HDAC9: variants seen among roughly 807,000 people sequenced by gnomAD.
HDAC9 encodes the protein MEF-2 interacting transcription repressor (MITR) protein.
A neutral mutation model predicts 139.4 loss-of-function variants in HDAC9; 41 were observed. The ratio of observed to expected loss-of-function variants is 0.29; its 90% CI spans 0.23 to 0.38. HDAC9 has a LOEUF of 0.38. Among genes scored for constraint, HDAC9 ranks in the 10% least tolerant of loss-of-function variants. The pLI is 1.00. For missense variants in HDAC9, 1,147 were observed against 1,297.0 expected (o/e 0.88, Z 1.78); for synonymous variants, 517 against 476.2 (o/e 1.09, Z -1.12).
intron 2 of HDAC9, among the ~76,000 whole-genome samples, chr7:18,228,514 T>C (rs1793225575): frequency 6.6e-6 from 1 of 152,310 alleles, no homozygotes; most frequent in African/African-American, 2.4e-5. Context: ...AAACAAATTA[T>C]ATTTCCTTCC....
At chr7:18,282,049 A>T (rs779454397) in intron 2 of HDAC9, among the ~76,000 whole-genome samples, 3 of 152,222 alleles carry the variant, frequency 2.0e-5, no homozygotes, top group Non-Finnish European at 4.4e-5. Flanking sequence ...AGCGTTTAGA[A>T]AAAGGGCCTG....
chr7:18,510,083 A>G (rs1464561284), intron 2 of HDAC9, among the ~76,000 whole-genome samples: 1 of 152,118 alleles, frequency 6.6e-6, no homozygotes, highest in Non-Finnish European at 1.5e-5. Context: ...TTCTTTGTAG[A>G]TTTGAAAAAT....
chr7:18,951,269 A>G (rs1000870799), intron 23 of HDAC9, among the ~76,000 whole-genome samples: 2 of 152,030 alleles, frequency 1.3e-5, no homozygotes, highest in African/African-American at 4.8e-5. Context: ...CTTAACAAAC[A>G]TCTGAATCAT....
intron 2 of HDAC9, among the ~76,000 whole-genome samples, chr7:18,523,187 GC>G (rs1365923017): frequency 2.0e-5 from 3 of 152,184 alleles, no homozygotes; most frequent in African/African-American, 7.2e-5. Context: ...TTAATTCCAT[GC>G]AAAGCTAGTG....
At chr7:18,929,169 A>G (rs1804505002) in intron 22 of HDAC9, among the ~76,000 whole-genome samples, 1 of 152,118 alleles carries the variant, frequency 6.6e-6, no homozygotes, top group Admixed American at 6.5e-5. Flanking sequence ...TCTTAGAGCA[A>G]CTTTTCATTT....
At chr7:18,244,286 CA>C (rs1314004594) in intron 2 of HDAC9, among the ~76,000 whole-genome samples, 3 of 152,094 alleles carry the variant, frequency 2.0e-5, no homozygotes, top group African/African-American at 2.4e-5. Flanking sequence ...AACACAAAAA[CA>C]AAACCCCCCT....
At chr7:18,478,431 A>C (rs920068585) in intron 1 of HDAC9, among the ~76,000 whole-genome samples, 23 of 152,186 alleles carry the variant, frequency 1.5e-4, no homozygotes, top group African/African-American at 5.3e-4. Context: ...CACTCTCAGG[A>C]TGATGGGCTG....
intron 22 of HDAC9, among the ~76,000 whole-genome samples, chr7:18,911,137 GT>G (rs1371019472): frequency 6.8e-6 from 1 of 146,272 alleles, no homozygotes; most frequent in Admixed American, 6.8e-5. Flanking sequence ...TTTGTTATTG[GT>G]CTGTTCAGGC....
intron 12 of HDAC9, among the ~76,000 whole-genome samples, chr7:18,693,993 G>T (rs992669643): frequency 1.3e-5 from 2 of 152,136 alleles, no homozygotes; most frequent in Non-Finnish European, 2.9e-5. Context: ...GTTGGTAACC[G>T]ATTGTACACA....
intron 2 of HDAC9, among the ~76,000 whole-genome samples, chr7:18,223,575 T>G (rs879475516): frequency 6.6e-6 from 1 of 152,122 alleles, no homozygotes; most frequent in Non-Finnish European, 1.5e-5. Context: ...GATATCTCCC[T>G]AGGCCCAAGA....
At chr7:18,334,509 A>G (rs763309666) in intron 1 of HDAC9, among the ~76,000 whole-genome samples, 12 of 151,612 alleles carry the variant, frequency 7.9e-5, no homozygotes, top group South Asian at 2.1e-4. Context: ...CAAATGCCAG[A>G]GGCATTCTTG....
At chr7:18,966,558 G>T (rs1309496297) in intron 24 of HDAC9, among the ~76,000 whole-genome samples, 1 of 152,108 alleles carries the variant, frequency 6.6e-6, no homozygotes. Context: ...AAAATTAGCT[G>T]GGCATGGTGA....
At position 18,537,043 on chromosome 7, in the gene HDAC9, C is replaced by T. The variant is rs567320134; in HGVS notation, c.22+40719C>T. Among the ~76,000 whole-genome samples, 4 of 152,250 alleles carry T rather than the reference C, an allele frequency of 2.6e-5. No homozygotes were observed. In the East Asian group the frequency reaches 7.7e-4, roughly 29 times the overall value. On this transcript the variant is annotated intron_variant, in intron 2 of 25. Coordinates refer to ENST00000686413, the MANE Select transcript of HDAC9 (RefSeq NM_178425.4). ...GTTCTCCTGACTCTCTTGGGATCAT[C>T]TGAACTATGGGGCTAACTTACTCTC...
chr7:18,720,081 T>G (rs890758245), intron 12 of HDAC9, among the ~76,000 whole-genome samples: 1 of 152,176 alleles, frequency 6.6e-6, no homozygotes, highest in Admixed American at 6.5e-5. Context: ...TAGACTCTTC[T>G]TCCTATATTA....
intron 19 of HDAC9, among the ~76,000 whole-genome samples, chr7:18,833,437 GA>G (rs1796003969): frequency 6.6e-6 from 1 of 152,078 alleles, no homozygotes; most frequent in South Asian, 2.1e-4. Context: ...ATGTGTCTTA[GA>G]ACTGATTAAA....
chr7:18,591,686 A>G, intron 5 of HDAC9, 44 bp downstream of exon 5: 1 of 1,604,582 alleles, frequency 6.2e-7, no homozygotes, highest in Non-Finnish European at 8.5e-7. Flanking sequence ...GGTAAAGAAC[A>G]CAGGTTCTGT....
At chr7:18,384,981 T>A (rs1785782483) in intron 1 of HDAC9, among the ~76,000 whole-genome samples, 1 of 152,152 alleles carries the variant, frequency 6.6e-6, no homozygotes, top group Non-Finnish European at 1.5e-5. Flanking sequence ...AGTGAGACCT[T>A]TCTGTTTCTA....
At chr7:18,286,042 G>C, upstream of HDAC9, among the ~76,000 whole-genome samples, 1 of 151,950 alleles carries the variant, frequency 6.6e-6, no homozygotes, top group East Asian at 1.9e-4. Flanking sequence ...GTAAACATTT[G>C]CTTTTGTAGT....
chr7:18,663,132 C>G (rs764123450), intron 11 of HDAC9, among the ~76,000 whole-genome samples: 33 of 151,960 alleles, frequency 2.2e-4, no homozygotes, highest in Non-Finnish European at 3.8e-4. Context: ...TGGTTGGAGT[C>G]AGACTATTCT....
Sources: gnomAD v4.1 joint callset for allele counts (sites outside exome capture counted in the v4.1 genomes callset) on GRCh38, gnomAD v4.1.1 for gene constraint, MANE v1.5 for transcripts, NCBI Gene and HGNC (gene_info 2026-07-23, HGNC 2026-07-21) for gene names.